Variants in FAM3D observed in about 807,000 individuals in gnomAD.
FAM3D encodes the protein FAM3 metabolism regulating signaling molecule D.
Under a neutral mutation model 29.8 loss-of-function variants are expected in FAM3D, and 26 were observed. The ratio of observed to expected loss-of-function variants is 0.87; its 90% CI spans 0.64 to 1.21. FAM3D has a LOEUF of 1.21. Among genes scored for constraint, FAM3D ranks in the 50% most tolerant of loss-of-function variants. The pLI, the probability that FAM3D is intolerant of heterozygous loss-of-function variation, is 0.00. For synonymous variants in FAM3D, 115 were observed against 102.3 expected (o/e 1.12, Z -0.75); for missense variants, 253 against 290.9 (o/e 0.87, Z 0.95).
chr3:58,643,640 TG>T lies in FAM3D; in HGVS notation c.322+21del, dbSNP rs763226003. On this transcript the variant is annotated intron_variant, in intron 6 of 9. Coordinates refer to ENST00000358781, the MANE Select transcript of FAM3D (RefSeq NM_138805.3). ...TCCCTGGTTCTGGGTGGGAACTGTC[TG>T]GGGATGGATATGCAACTCACCATTC... 26 of 1,612,690 alleles carry T rather than the reference TG, an allele frequency of 1.6e-5. No homozygotes were observed. In the African/African-American group the frequency reaches 2.4e-4, roughly 15 times the overall value.
intron 1 of FAM3D, among the ~76,000 whole-genome samples, 176 bp downstream of exon 1, chr3:58,666,400 T>C (rs987424026): frequency 1.2e-4 from 18 of 152,226 alleles, no homozygotes; most frequent in Non-Finnish European, 2.9e-5. Context: ...TCTATTTGCC[T>C]TCCTGAGTCT....
chr3:58,655,859 T>C (rs999231036), intron 1 of FAM3D, among the ~76,000 whole-genome samples: 26 of 152,192 alleles, frequency 1.7e-4, no homozygotes, highest in Admixed American at 6.5e-5. Context: ...TAGAGGAAGG[T>C]GTAGTCTGGT....
chr3:58,664,266 C>T (rs1397755557), intron 1 of FAM3D, among the ~76,000 whole-genome samples: 1 of 152,210 alleles, frequency 6.6e-6, no homozygotes, highest in Non-Finnish European at 1.5e-5. Flanking sequence ...CCTCCATATG[C>T]GTTGCCCAGT....
chr3:58,638,563 A>T (rs2106725687), intron 7 of FAM3D, among the ~76,000 whole-genome samples: 1 of 152,370 alleles, frequency 6.6e-6, no homozygotes, highest in Non-Finnish European at 1.5e-5. Context: ...CCCAGTGCAG[A>T]ATGAAAATGC....
chr3:58,660,689 C>T (rs939458830), intron 1 of FAM3D, among the ~76,000 whole-genome samples: 1 of 152,082 alleles, frequency 6.6e-6, no homozygotes, highest in Non-Finnish European at 1.5e-5. Context: ...AGCTGCATGG[C>T]GGGAAATGCA....
rs1410468706 is a variant in FAM3D, at chr3:58,666,604, C to T, written c.-67G>A. On this transcript the variant is annotated 5_prime_UTR_variant, in exon 1 of 10. Coordinates refer to ENST00000358781, the MANE Select transcript of FAM3D (RefSeq NM_138805.3). ...AGGGCTCGAGGCTCCCACTTCCCTG[C>T]TTCGATGGAGAAGGCGAGGTGGTCC... The T allele has an allele frequency of 6.6e-6, 1 of 152,242 alleles. No homozygotes were observed. Among genetic ancestry groups the T allele is most frequent in the African/African-American group, 2.4e-5 (1 of 41,442 alleles). 9.4% of individuals were successfully genotyped at this position (152,242 alleles called of 1,614,324 possible).
At chr3:58,658,746 G>A (rs925011738) in intron 1 of FAM3D, among the ~76,000 whole-genome samples, 6 of 152,198 alleles carry the variant, frequency 3.9e-5, no homozygotes, top group African/African-American at 9.6e-5. Flanking sequence ...ACCCAAGCAA[G>A]GCCAACCAGA....
intron 1 of FAM3D, 147 bp from the exon 2 acceptor site, chr3:58,655,748 A>C: frequency 1.7e-6 from 1 of 576,138 alleles, no homozygotes; most frequent in Non-Finnish European, 3.0e-6. Context: ...CAAGAGGGCA[A>C]TTTTCCTCCT....
rs751771659 is a variant in FAM3D at position 58,637,228 on chromosome 3, G to T, written c.374-3C>A. On this transcript the variant is annotated splice_polypyrimidine_tract_variant and splice_region_variant and intron_variant, in intron 7 of 9. Coordinates refer to ENST00000358781, the MANE Select transcript of FAM3D (RefSeq NM_138805.3). Reference sequence around the variant, plus strand: ...GAATTTCACTAGGTGCATAACATCTGGGGGAGGAAGGAAAAGGTGCTGGTG... The same window carrying T: ...GAATTTCACTAGGTGCATAACATCTTGGGGAGGAAGGAAAAGGTGCTGGTG... The T allele has an allele frequency of 1.9e-6, 3 of 1,610,044 alleles. No homozygotes were observed. The highest frequency in any genetic ancestry group is 2.7e-5 in the African/African-American group (2 of 74,834).
rs758647845 is a variant in FAM3D at position 58,634,395 on chromosome 3, T to A, written c.586-27A>T. ...TAGAGAGAGAGAAGACAGAGAAATA[T>A]AGGCAGTGAGTGAGGCTGTTCAGAA... On this transcript the variant is annotated intron_variant, in intron 9 of 9. Transcript: ENST00000358781. This position sits in a 1 kb window ranked among gnomAD's most constrained non-coding sequence, Gnocchi z 4.6. The A allele has an allele frequency of 2.5e-6, 4 of 1,604,114 alleles. No individual in the cohort carries two copies. The highest frequency in any genetic ancestry group is 3.3e-5 in the Admixed American group (2 of 59,954).
At position 58,637,223 on chromosome 3, in the gene FAM3D, C is replaced by T. The variant is rs764359091; in HGVS notation, c.376G>A (p.Val126Ile). Residue 126 changes from valine to isoleucine, a missense_variant and splice_region_variant, in exon 8 of 10, where the codon GTT (valine) becomes ATT (isoleucine). Val to Ile is a conservative substitution (Grantham distance 29, BLOSUM62 3). Coordinates refer to ENST00000358781, the MANE Select transcript of FAM3D (RefSeq NM_138805.3). ...TTAAGGAATTTCACTAGGTGCATAA[C>T]ATCTGGGGGAGGAAGGAAAAGGTGC... ...QKAFDMYSGD[V>I]MHLVKFLKEI... 3.7e-6 allele frequency: 6 copies of T among 1,611,984 alleles called. No individual in the cohort carries two copies. The Admixed American group carries it at 6.7e-5, about 18-fold the overall frequency.
intron 5 of FAM3D, among the ~76,000 whole-genome samples, chr3:58,644,723 C>G (rs1030938904): frequency 6.6e-6 from 1 of 152,110 alleles, no homozygotes; most frequent in African/African-American, 2.4e-5. Context: ...TATGTCAAAC[C>G]AGCTGGTGGT....
At chr3:58,639,587 G>A (rs1210482419) in intron 7 of FAM3D, among the ~76,000 whole-genome samples, 1 of 147,980 alleles carries the variant, frequency 6.8e-6, no homozygotes, top group Non-Finnish European at 1.5e-5. Flanking sequence ...CCGCATGTGG[G>A]CACTTCAGTG....
In FAM3D at chr3:58,655,034, T is replaced by A. The variant is rs372315838; in HGVS notation, c.13+517A>T. ...GGTCACTTCCCCACTGTCACTTGGC[T>A]AGTAAGTGTCAAAAGTGGGGTTTAC... On this transcript the variant is annotated intron_variant, in intron 2 of 9. Transcript: ENST00000358781. 1.4e-3 allele frequency among the ~76,000 whole-genome samples: 211 copies of A among 152,206 alleles called. 1 individual carries two copies. The highest frequency in any genetic ancestry group is 4.8e-3 in the African/African-American group (200 of 41,456).
At chr3:58,666,237 T>C (rs1317029138) in intron 1 of FAM3D, among the ~76,000 whole-genome samples, 1 of 152,148 alleles carries the variant, frequency 6.6e-6, no homozygotes, top group Non-Finnish European at 1.5e-5. Context: ...GGTTATCAAA[T>C]CCCTAGCTGG....
chr3:58,653,849 T>C, intron 2 of FAM3D, 68 bp from the exon 3 acceptor site: 2 of 1,229,534 alleles, frequency 1.6e-6, no homozygotes, highest in East Asian at 2.3e-5. Context: ...CACGTGTGAG[T>C]TCTTCCCAAA....
chr3:58,635,049 C>G lies in FAM3D; in HGVS notation c.586-681G>C, dbSNP rs142681418. Among the ~76,000 whole-genome samples the G allele has an allele frequency of 0.019, 2,909 of 152,176 alleles. 45 individuals carry two copies. Among genetic ancestry groups the G allele is most frequent in the South Asian group, 0.066 (320 of 4,816 alleles). ...AATTAGCTGGATGTGGTGGCACATGCCTGTGGTCCCAGCTACTCAGGAGGC... is the reference window on the plus strand; with the variant it reads ...AATTAGCTGGATGTGGTGGCACATGGCTGTGGTCCCAGCTACTCAGGAGGC... On this transcript the variant is annotated intron_variant, in intron 9 of 9. Coordinates refer to ENST00000358781, the MANE Select transcript of FAM3D (RefSeq NM_138805.3). This position sits in a 1 kb window ranked among gnomAD's most constrained non-coding sequence, Gnocchi z 5.2.
intron 1 of FAM3D, among the ~76,000 whole-genome samples, chr3:58,660,382 G>C (rs1289882252): frequency 1.3e-5 from 2 of 152,168 alleles, no homozygotes; most frequent in Non-Finnish European, 1.5e-5. Context: ...TGTGACCCAG[G>C]CCTGTGTGAA....
chr3:58,645,560 C>G lies in FAM3D; in HGVS notation c.212G>C (p.Cys71Ser). ...GCCCACGACGTTGGCGGCCCCACTG[C>G]AGATTTTAAACGCAAAGTAGTTGGC... ...CPANYFAFKI[C>S]SGAANVVGPT... The change falls in exon 5 of 10, where the codon TGC (cysteine) becomes TCC (serine). Residue 71 changes from cysteine (C) to serine (S), a missense_variant. By Grantham distance (112) the Cys-to-Ser change is moderately radical. Coordinates refer to ENST00000358781, the MANE Select transcript of FAM3D (RefSeq NM_138805.3). The G allele has an allele frequency of 6.2e-7, 1 of 1,614,226 alleles. No homozygotes were observed.
Sources: allele counts gnomAD v4.1 joint callset (sites outside exome capture counted in the v4.1 genomes callset), GRCh38; gene constraint gnomAD v4.1.1; non-coding constraint Gnocchi (gnomAD v3.1); transcripts MANE v1.5; gene names NCBI Gene and HGNC (gene_info 2026-07-23, HGNC 2026-07-21).